KIF27: variants seen among roughly 807,000 people sequenced by gnomAD.
KIF27 encodes the protein kinesin family member 27, also known as kinesin-like protein KIF27.
A neutral mutation model predicts 141.8 loss-of-function variants in KIF27; 84 were observed. That is an observed-to-expected ratio of 0.59 (90% CI 0.50 to 0.71). The LOEUF (loss-of-function observed/expected upper bound fraction) is 0.71, where lower values mean the gene tolerates loss of function less well. Among genes scored for constraint, KIF27 ranks in the 30% least tolerant of loss-of-function variants. KIF27 has a pLI of 0.00. For missense variants in KIF27, 1,306 were observed against 1,628.4 expected, an observed-to-expected ratio of 0.80 and a Z score of 3.41; for synonymous variants, 471 against 569.5, an observed-to-expected ratio of 0.83 and a Z score of 2.46.
At chr9:83,872,039 T>C (rs989533810) in intron 11 of KIF27, among the ~76,000 whole-genome samples, 5 of 150,508 alleles carry the variant, frequency 3.3e-5, no homozygotes, top group Non-Finnish European at 7.4e-5. Flanking sequence ...AGAGGTGCGA[T>C]GTTGGCCAGG....
intron 13 of KIF27, among the ~76,000 whole-genome samples, chr9:83,866,016 G>A (rs3906188): frequency 6.6e-6 from 1 of 152,096 alleles, no homozygotes; most frequent in Non-Finnish European, 1.5e-5. Flanking sequence ...GATGTTTCAC[G>A]ATTCATATGC....
intron 15 of KIF27, among the ~76,000 whole-genome samples, chr9:83,852,304 T>C (rs2131720188): frequency 6.6e-6 from 1 of 150,560 alleles, no homozygotes. Context: ...ACAAAAAAAA[T>C]TAGCCAGGTG....
chr9:83,837,311 A>T lies in KIF27; in HGVS notation c.3896T>A (p.Ile1299Asn). 6.2e-7 allele frequency: 1 copy of T among 1,606,446 alleles called. No individual in the cohort carries two copies. The stretch of plus-strand genomic sequence containing the variant: ...ACTATGAATTGGAGGTAATTCTGGG[A>T]TATCTTCCCAGAGCTTTTGAGGATT... ...QPNPQKLWED[I>N]PELPPIHSSL... The change falls in exon 18 of 18, where the codon ATC becomes AAC. Residue 1299 changes from isoleucine (I) to asparagine (N), a missense_variant. Coordinates refer to ENST00000297814, the MANE Select transcript of KIF27 (RefSeq NM_017576.4).
intron 5 of KIF27, among the ~76,000 whole-genome samples, chr9:83,894,848 C>T (rs1212011145): frequency 2.0e-5 from 3 of 152,152 alleles, no homozygotes. Flanking sequence ...TCTCATAGTA[C>T]ATCATCCAAT....
rs966737248 is a variant in KIF27, at chr9:83,835,721, A to G, written c.*1280T>C. Reference sequence around the variant, plus strand: ...AAAGGAAAAGGTCTGTAGCAGCACTACATCAGAAAAAAATGGATTCAGCAA... The same window carrying G: ...AAAGGAAAAGGTCTGTAGCAGCACTGCATCAGAAAAAAATGGATTCAGCAA... On this transcript the variant is annotated 3_prime_UTR_variant, in exon 18 of 18. Transcript: ENST00000297814. The G allele has an allele frequency of 6.6e-6, 1 of 152,196 alleles. No homozygotes were observed. The highest frequency in any genetic ancestry group is 2.4e-5 in the African/African-American group (1 of 41,448). 9.4% of individuals were successfully genotyped at this position (152,196 alleles called of 1,614,324 possible).
At chr9:83,869,508 G>C (rs1243192646) in intron 12 of KIF27, among the ~76,000 whole-genome samples, 2 of 152,092 alleles carry the variant, frequency 1.3e-5, no homozygotes, top group Admixed American at 6.6e-5. Context: ...GGCCGAGGCG[G>C]GCAGATCATG....
chr9:83,908,644 C>G lies in KIF27; in HGVS notation c.307G>C (p.Val103Leu). 1 of 1,579,288 alleles carries G rather than the reference C, an allele frequency of 6.3e-7. No individual in the cohort carries two copies. Among genetic ancestry groups the G allele is most frequent in the African/African-American group, 1.4e-5 (1 of 73,696 alleles). ...GGAATGATACCCTTTTGGCCCTCCA[C>G]AACTGAAGCTGAAAATTTAGAAAAA... The part of the protein sequence containing the change: ...TIGGGHIASV[V>L]EGQKGIIPRA... The change falls in exon 3 of 18, where the codon GTG (valine) becomes CTG (leucine). Residue 103 changes from valine to leucine, a missense_variant. Val to Leu is a conservative substitution (Grantham distance 32). Around this residue, in one of 4 missense-constraint regions of KIF27, gnomAD observed 533 missense variants for 565.6 expected, o/e 0.94. Transcript: ENST00000297814.
chr9:83,866,880 TAATTC>T (rs1465727134), intron 13 of KIF27, among the ~76,000 whole-genome samples: 1 of 151,536 alleles, frequency 6.6e-6, no homozygotes, highest in Non-Finnish European at 1.5e-5. Flanking sequence ...ATGAAGTATA[TAATTC>T]AATGGTTTTT....
intron 13 of KIF27, among the ~76,000 whole-genome samples, chr9:83,866,120 G>A (rs1289197472): frequency 6.6e-6 from 1 of 152,088 alleles, no homozygotes; most frequent in Non-Finnish European, 1.5e-5. Flanking sequence ...CGGTCCCAGA[G>A]TAAGAAAAAA....
chr9:83,857,418 C>G (rs1446302421), intron 14 of KIF27, among the ~76,000 whole-genome samples: 7 of 151,998 alleles, frequency 4.6e-5, no homozygotes, highest in South Asian at 2.1e-4. Context: ...TAAGAAGAAC[C>G]AACCATGTGG....
intron 9 of KIF27, among the ~76,000 whole-genome samples, chr9:83,885,950 T>TG (rs1470006313): frequency 2.4e-5 from 1 of 41,754 alleles, no homozygotes; most frequent in Non-Finnish European, 4.3e-5. Context: ...TTTTGTGTTG[T>TG]TTTTTTTTTT....
Position 83,903,592 on chromosome 9 carries a change from C to A in KIF27, c.926G>T (p.Ser309Ile). ...ACATGTGATCATGACAGTCTTAGCA[C>A]TGCCTCCCAGAGAATCTTTCAGAAG... ...TRLLKDSLGG[S>I]AKTVMITCVS... Residue 309 changes from serine (S) to isoleucine (I), a missense_variant, in exon 4 of 18, where the codon AGT (serine) becomes ATT (isoleucine). By Grantham distance (142) the Ser-to-Ile change is moderately radical. Coordinates refer to ENST00000297814, the MANE Select transcript of KIF27 (RefSeq NM_017576.4). 3 of 1,614,174 alleles carry A rather than the reference C, an allele frequency of 1.9e-6. No homozygotes were observed. The highest frequency in any genetic ancestry group is 2.5e-6 in the Non-Finnish European group (3 of 1,180,034).
intron 13 of KIF27, among the ~76,000 whole-genome samples, chr9:83,865,862 C>T (rs3906187): frequency 2.0e-5 from 3 of 152,104 alleles, no homozygotes; most frequent in Non-Finnish European, 2.9e-5. Flanking sequence ...ACAGCATATA[C>T]GTGGGCCACT....
Position 83,838,729 on chromosome 9 carries a change from G to C in KIF27, c.3722-1244C>G, listed in dbSNP as rs1164473256. ...AAAACTATAAGAGTTAACAGTTTCT[G>C]AATTGCAATAGCAGCTGGAACACCG... On this transcript the variant is annotated intron_variant, in intron 17 of 17. Coordinates refer to ENST00000297814, the MANE Select transcript of KIF27 (RefSeq NM_017576.4). 3.3e-5 allele frequency: 5 copies of C among 152,198 alleles called. No individual in the cohort carries two copies. The East Asian group carries it at 9.6e-4, about 29-fold the overall frequency. 9.4% of individuals were successfully genotyped at this position (152,198 alleles called of 1,614,324 possible). A position where few individuals can be genotyped will look rare whatever the true frequency, so the allele number is the denominator to read the frequency against.
chr9:83,841,576 C>T (rs1330470484), intron 17 of KIF27, among the ~76,000 whole-genome samples: 1 of 152,148 alleles, frequency 6.6e-6, no homozygotes, highest in Non-Finnish European at 1.5e-5. Flanking sequence ...TAGAAATTAT[C>T]AGCTAATTCT....
intron 14 of KIF27, chr9:83,858,265 G>A (rs1287181408): frequency 3.3e-5 from 5 of 152,124 alleles, no homozygotes; most frequent in Non-Finnish European, 5.9e-5. Flanking sequence ...TCAATTCTCA[G>A]TGAGCAACAA....
chr9:83,899,043 CAA>C (rs1953571112), intron 5 of KIF27: 2 of 152,218 alleles, frequency 1.3e-5, no homozygotes, highest in Admixed American at 6.5e-5. Context: ...ACGTAAAAAT[CAA>C]AATCTGATGT....
rs143915976 is a variant in KIF27 at position 83,853,828 on chromosome 9, T to G, written c.3158A>C (p.His1053Pro). 6.2e-7 allele frequency: 1 copy of G among 1,600,950 alleles called. No homozygotes were observed. The highest frequency in any genetic ancestry group is 1.3e-5 in the African/African-American group (1 of 74,704). ...NGRVLSPEEEHVLFQLEEGIE... is the reference protein window; with the variant it reads ...NGRVLSPEEEPVLFQLEEGIE... ...CCCTTCTTCAAGTTGGAAAAGAACA[T>G]GTTCTTCCTAGATATAACAGAAATC... Residue 1053 changes from histidine to proline, a missense_variant, in exon 15 of 18, where the codon CAT (histidine) becomes CCT (proline). Coordinates refer to ENST00000297814, the MANE Select transcript of KIF27 (RefSeq NM_017576.4).
intron 13 of KIF27, 105 bp downstream of exon 13, chr9:83,867,579 C>A: frequency 7.3e-7 from 1 of 1,368,254 alleles, no homozygotes; most frequent in Non-Finnish European, 9.6e-7. Context: ...AATTTCTCCA[C>A]CTCCTCCCAC....
Sources: gnomAD v4.1 joint callset for allele counts (sites outside exome capture counted in the v4.1 genomes callset) on GRCh38, gnomAD v4.1.1 for gene constraint, gnomAD v4.1.1 regional missense constraint, MANE v1.5 for transcripts, NCBI Gene and HGNC (gene_info 2026-07-23, HGNC 2026-07-21) for gene names.